EFCAB6: variants seen among roughly 807,000 people sequenced by gnomAD.
EFCAB6 encodes the protein EF-hand calcium-binding domain-containing protein 6.
Under a neutral mutation model 169.8 loss-of-function variants are expected in EFCAB6, and 156 were observed. That is an observed-to-expected ratio of 0.92 (90% CI 0.81 to 1.05). The LOEUF is 1.05. Ranked by LOEUF, EFCAB6 falls within the 50% of genes least tolerant of loss-of-function variation. The pLI is 0.00. For synonymous variants in EFCAB6, 698 were observed against 676.4 expected, an observed-to-expected ratio of 1.03 and a Z score of -0.50; for missense variants, 1,800 against 1,829.1, an observed-to-expected ratio of 0.98 and a Z score of 0.29.
At chr22:43,768,726 G>A (rs1569479611) in intron 4 of EFCAB6, among the ~76,000 whole-genome samples, 1 of 152,148 alleles carries the variant, frequency 6.6e-6, no homozygotes, top group African/African-American at 2.4e-5. Context: ...AACAGATGTA[G>A]CTTTTAAAAA....
rs34634496 is a variant in EFCAB6 at position 43,780,486 on chromosome 22, C to CAAAAA, written c.139+1689_139+1693dup. 2.2e-4 allele frequency among the ~76,000 whole-genome samples: 11 copies of CAAAAA among 49,010 alleles called. 1 individual carries two copies. The highest frequency in any genetic ancestry group is 3.4e-4 in the African/African-American group (4 of 11,696). 32.2% of individuals were successfully genotyped at this position (49,010 alleles called of 152,430 possible). A position where few individuals can be genotyped will look rare whatever the true frequency, so the allele number is the denominator to read the frequency against. ...TGGATGACAGAGTAAGACTCTGTCT[C>CAAAAA]AAAAAAAAAAAAAAAAAAAAAAAAG... On this transcript the variant is annotated intron_variant, in intron 3 of 31. Coordinates refer to ENST00000262726, the MANE Select transcript of EFCAB6 (RefSeq NM_022785.4).
chr22:43,758,878 AAC>A (rs2061050106), intron 5 of EFCAB6, among the ~76,000 whole-genome samples: 1 of 152,246 alleles, frequency 6.6e-6, no homozygotes, highest in Non-Finnish European at 1.5e-5. Context: ...AAATCAAATT[AAC>A]CTTTAGAGGC....
chr22:43,772,715 G>A lies in EFCAB6; in HGVS notation c.351+177C>T, dbSNP rs1403202123. ...GCAGCGCTACATGCAAAATATGACC[G>A]AGTAGCTGTTGATCGTGATCATCTA... On this transcript the variant is annotated intron_variant, in intron 4 of 31. Coordinates refer to ENST00000262726, the MANE Select transcript of EFCAB6 (RefSeq NM_022785.4). 3.3e-5 allele frequency among the ~76,000 whole-genome samples: 5 copies of A among 151,570 alleles called. No individual in the cohort carries two copies. The South Asian group carries it at 6.3e-4, about 19-fold the overall frequency.
At chr22:43,632,823 A>G (rs2055080283) in intron 18 of EFCAB6, among the ~76,000 whole-genome samples, 6 of 152,078 alleles carry the variant, frequency 3.9e-5, no homozygotes, top group Admixed American at 3.9e-4. Context: ...CACCCTGTTT[A>G]CTTGTCCTGT....
chr22:43,672,685 G>C (rs993099592), intron 13 of EFCAB6, among the ~76,000 whole-genome samples: 1 of 152,054 alleles, frequency 6.6e-6, no homozygotes, highest in Non-Finnish European at 1.5e-5. Context: ...GGGGCCTATC[G>C]GAGAACAAGA....
intron 20 of EFCAB6, among the ~76,000 whole-genome samples, chr22:43,619,676 G>A (rs1038839242): frequency 2.6e-5 from 4 of 152,122 alleles, no homozygotes; most frequent in African/African-American, 4.8e-5. Flanking sequence ...GAAAACTCAC[G>A]AACAGAAATC....
intron 23 of EFCAB6, among the ~76,000 whole-genome samples, chr22:43,591,112 T>TTTTTTG (rs2051497282): frequency 3.8e-5 from 1 of 26,166 alleles, no homozygotes; most frequent in Admixed American, 5.5e-4. Flanking sequence ...TTGTTTTTTG[T>TTTTTTG]TTTTTTTTTT....
intron 10 of EFCAB6, among the ~76,000 whole-genome samples, chr22:43,702,535 T>C (rs2058804895): frequency 6.6e-6 from 1 of 152,164 alleles, no homozygotes; most frequent in Non-Finnish European, 1.5e-5. Flanking sequence ...AACAACAGTT[T>C]CTACAGAGGG....
chr22:43,624,748 T>C (rs906211201), intron 20 of EFCAB6, among the ~76,000 whole-genome samples: 12 of 152,242 alleles, frequency 7.9e-5, no homozygotes, highest in African/African-American at 2.9e-4. Context: ...ATCTGGGTCT[T>C]ATTCACTGTT....
chr22:43,678,329 CTGTGTGTGTGTGTGTGTGTG>C (rs137787), intron 12 of EFCAB6, among the ~76,000 whole-genome samples, 166 bp from the exon 13 acceptor site: 2 of 144,262 alleles, frequency 1.4e-5, no homozygotes, highest in East Asian at 2.1e-4. Flanking sequence ...AACATGAGCA[CTGTGTGTGTGTGTGTGTGTG>C]TGTGTGTGTG....
intron 4 of EFCAB6, among the ~76,000 whole-genome samples, chr22:43,766,752 C>T (rs1603348935): frequency 6.6e-6 from 1 of 152,246 alleles, no homozygotes; most frequent in East Asian, 1.9e-4. Flanking sequence ...TGACCTCAAG[C>T]GATCCACCCA....
At chr22:43,606,072 T>C (rs933189559) in intron 22 of EFCAB6, among the ~76,000 whole-genome samples, 1 of 152,196 alleles carries the variant, frequency 6.6e-6, no homozygotes, top group Non-Finnish European at 1.5e-5. Flanking sequence ...AGGGATTCAC[T>C]GAAGGGAGGA....
intron 3 of EFCAB6, among the ~76,000 whole-genome samples, chr22:43,780,233 TC>T (rs2061771699): frequency 1.3e-5 from 2 of 152,068 alleles, no homozygotes; most frequent in Admixed American, 1.3e-4. Flanking sequence ...ATGCCTATAA[TC>T]CTGGCATTTT....
At chr22:43,607,094 C>T (rs1205299893) in intron 22 of EFCAB6, among the ~76,000 whole-genome samples, 1 of 152,174 alleles carries the variant, frequency 6.6e-6, no homozygotes, top group African/African-American at 2.4e-5. Context: ...TTCCATTGTT[C>T]CCGACTGCCT....
chr22:43,762,709 A>C (rs1281558770), intron 5 of EFCAB6, among the ~76,000 whole-genome samples: 1 of 152,202 alleles, frequency 6.6e-6, no homozygotes, highest in Admixed American at 6.5e-5. Context: ...TGTTTAAGAG[A>C]GTAACTCATG....
chr22:43,794,928 T>G (rs1265296297), intron 2 of EFCAB6, among the ~76,000 whole-genome samples: 1 of 152,178 alleles, frequency 6.6e-6, no homozygotes, highest in Non-Finnish European at 1.5e-5. Context: ...TGAATTCAAT[T>G]TAGCAGAAAA....
At chr22:43,570,623 T>TC (rs2049796346) in intron 26 of EFCAB6, among the ~76,000 whole-genome samples, 1 of 151,702 alleles carries the variant, frequency 6.6e-6, no homozygotes, top group Non-Finnish European at 1.5e-5. Flanking sequence ...TTTTTTTTTT[T>TC]TTTCCTGTTC....
At position 43,724,366 on chromosome 22, in the gene EFCAB6, TC is replaced by T. The variant is rs376549324; in HGVS notation, c.757+7332del. On this transcript the variant is annotated intron_variant, in intron 8 of 31. Coordinates refer to ENST00000262726, the MANE Select transcript of EFCAB6 (RefSeq NM_022785.4). ...CTGTTTACTGTCAATATTTCTTTTT[TC>T]TTTTTTTTTTTTTTTTTTGAGAAGG... 1.1e-4 allele frequency among the ~76,000 whole-genome samples: 14 copies of T among 124,626 alleles called. No individual in the cohort carries two copies. In the Admixed American group the frequency reaches 1.2e-3, roughly 11 times the overall value. The allele number at this position is 124,626 out of a possible 152,430, so 81.8% of individuals were successfully genotyped here.
At chr22:43,580,389 T>C (rs1368120626) in intron 25 of EFCAB6, 75 bp downstream of exon 25, 1 of 1,518,480 alleles carries the variant, frequency 6.6e-7, no homozygotes, top group African/African-American at 1.4e-5. Context: ...TGGGAGGGGT[T>C]TCAGGGTGGG....
Sources: gnomAD v4.1 joint callset for allele counts (sites outside exome capture counted in the v4.1 genomes callset) on GRCh38, gnomAD v4.1.1 for gene constraint, MANE v1.5 for transcripts, NCBI Gene and HGNC (gene_info 2026-07-23, HGNC 2026-07-21) for gene names.